The following TRIM67 variants were observed in gnomAD, a reference collection of about 807,000 sequenced individuals.
The protein encoded by TRIM67 is tripartite motif containing 67, also known as tripartite motif-containing protein 67.
A neutral mutation model predicts 71.0 loss-of-function variants in TRIM67; 39 were observed. The observed-to-expected ratio is 0.55, with a 90% confidence interval of 0.43 to 0.72. The LOEUF (loss-of-function observed/expected upper bound fraction) is 0.72, where lower values mean the gene tolerates loss of function less well. Ranked by LOEUF, TRIM67 falls within the 30% of genes least tolerant of loss-of-function variation. TRIM67 has a pLI of 0.00. For missense variants in TRIM67, 973 were observed against 1,079.2 expected, an observed-to-expected ratio of 0.90 and a Z score of 1.38; for synonymous variants, 481 against 473.9, an observed-to-expected ratio of 1.01 and a Z score of -0.19.
intron 1 of TRIM67, among the ~76,000 whole-genome samples, chr1:231,188,109 C>T (rs1683134599): frequency 6.6e-6 from 1 of 152,122 alleles, no homozygotes; most frequent in Non-Finnish European, 1.5e-5. Context: ...TCCACCCCTC[C>T]ATCACACTGG....
Position 231,219,735 on chromosome 1 carries a change from A to G in TRIM67, c.*4295A>G. On this transcript the variant is annotated 3_prime_UTR_variant, in exon 10 of 10. Transcript: ENST00000366653. The stretch of plus-strand genomic sequence containing the variant: ...AATCTAACAGATCTTATTGGCAAAT[A>G]TTCAAGATGGTGATGCTGGAAAATT... The G allele has an allele frequency of 7.5e-6, 9 of 1,195,656 alleles. No individual in the cohort carries two copies. Among genetic ancestry groups the G allele is most frequent in the Non-Finnish European group, 9.5e-6 (9 of 946,132 alleles). 74.1% of individuals were successfully genotyped at this position (1,195,656 alleles called of 1,614,324 possible).
intron 7 of TRIM67, among the ~76,000 whole-genome samples, chr1:231,207,207 C>G (rs1439619047): frequency 1.3e-5 from 2 of 152,206 alleles, no homozygotes; most frequent in African/African-American, 4.8e-5. Context: ...GGCTAAACTT[C>G]TCCCACTTCT....
At chr1:231,165,132 A>G (rs2102709038) in intron 1 of TRIM67, among the ~76,000 whole-genome samples, 1 of 152,304 alleles carries the variant, frequency 6.6e-6, no homozygotes, top group African/African-American at 2.4e-5. Context: ...ATTTTTAGTT[A>G]TCACACCTAG....
chr1:231,168,636 G>A (rs1381388795), intron 1 of TRIM67, among the ~76,000 whole-genome samples: 1 of 152,156 alleles, frequency 6.6e-6, no homozygotes, highest in African/African-American at 2.4e-5. Context: ...ATTATTGTTT[G>A]CTATTTTCAT....
At chr1:231,169,261 G>A (rs1325068811) in intron 1 of TRIM67, among the ~76,000 whole-genome samples, 1 of 151,720 alleles carries the variant, frequency 6.6e-6, no homozygotes, top group Non-Finnish European at 1.5e-5. Context: ...TGCCATGTTG[G>A]CCAGGCTGGT....
At chr1:231,197,954 C>T (rs1338632449) in intron 2 of TRIM67, among the ~76,000 whole-genome samples, 1 of 152,192 alleles carries the variant, frequency 6.6e-6, no homozygotes, top group Non-Finnish European at 1.5e-5. Flanking sequence ...GTGTCCTACC[C>T]TATAGCCTTG....
chr1:231,193,464 C>T (rs992415692), intron 1 of TRIM67, among the ~76,000 whole-genome samples: 8 of 129,436 alleles, frequency 6.2e-5, no homozygotes, highest in Non-Finnish European at 9.8e-5. Context: ...AATTAATTCC[C>T]TTAAAAAAAA....
rs1188177465 is a variant in TRIM67, at chr1:231,209,168, C to T, written c.2041C>T (p.Leu681=). 8 of 1,612,852 alleles carry T rather than the reference C, an allele frequency of 5.0e-6. No individual in the cohort carries two copies. The highest frequency in any genetic ancestry group is 6.8e-6 in the Non-Finnish European group (8 of 1,179,174). ...GGCCAGCGTGGTCAAGGACATGATG[C>T]TGGGCAAGGATGACAAGGCCTGGGC... ...ARASVVKDMM[L]GKDDKAWAMY... is the part of the protein sequence containing the mutation. Residue 681 remains leucine (L), a synonymous_variant, in exon 8 of 10, where the codon CTG becomes TTG. Coordinates refer to ENST00000366653, the MANE Select transcript of TRIM67 (RefSeq NM_001004342.5). The surrounding 1 kb of genome is among the most constrained non-coding windows in gnomAD (Gnocchi z 4.1).
intron 1 of TRIM67, among the ~76,000 whole-genome samples, chr1:231,193,503 G>GCGCTCTCTCTCTCTCT (rs1683287533): frequency 1.2e-5 from 1 of 81,946 alleles, no homozygotes; most frequent in African/African-American, 4.6e-5. Context: ...TCTCTCTCAA[G>GCGCTCTCTCTCTCTCT]CTCTCTCTCT....
At chr1:231,164,072 T>G in intron 1 of TRIM67, 59 bp downstream of exon 1, 3 of 1,401,026 alleles carry the variant, frequency 2.1e-6, no homozygotes, top group Non-Finnish European at 2.8e-6. Flanking sequence ...GGAGAAAGGC[T>G]TTTGGCCTCT....
At chr1:231,188,599 G>A (rs960860704) in intron 1 of TRIM67, among the ~76,000 whole-genome samples, 2 of 152,166 alleles carry the variant, frequency 1.3e-5, no homozygotes, top group Non-Finnish European at 2.9e-5. Flanking sequence ...AAAGAGCATC[G>A]ACTTTGGATT....
intron 1 of TRIM67, among the ~76,000 whole-genome samples, chr1:231,179,666 G>A (rs1281995825): frequency 6.6e-6 from 1 of 152,138 alleles, no homozygotes; most frequent in Non-Finnish European, 1.5e-5. Context: ...AATGGGTTTG[G>A]GTGCAACAAC....
rs1025891396 is a variant in TRIM67 at position 231,219,187 on chromosome 1, C to T, written c.*3747C>T. The T allele has an allele frequency of 1.0e-6, 1 of 985,450 alleles. No homozygotes were observed. The highest frequency in any genetic ancestry group is 1.7e-5 in the African/African-American group (1 of 57,216). The allele number at this position is 985,450 out of a possible 1,614,324, so 61.0% of individuals were successfully genotyped here. ...CCCGTGGGGTGGCGCCAGGGTTTCT[C>T]AACCTCTACTGACATTTTGCGATAG... On this transcript the variant is annotated 3_prime_UTR_variant, in exon 10 of 10. Transcript: ENST00000366653.
chr1:231,163,261 C>T lies in TRIM67; in HGVS notation c.292C>T (p.His98Tyr), dbSNP rs1256725519. The T allele has an allele frequency of 3.1e-5, 47 of 1,513,920 alleles. No individual in the cohort carries two copies. The highest frequency in any genetic ancestry group is 4.1e-5 in the Non-Finnish European group (46 of 1,131,018). The allele number at this position is 1,513,920 out of a possible 1,614,324, so 93.8% of individuals were successfully genotyped here. The change falls in exon 1 of 10, where the codon CAC (histidine) becomes TAC (tyrosine). Residue 98 changes from histidine (H) to tyrosine (Y), a missense_variant. Around this residue, in one of 2 missense-constraint regions of TRIM67, gnomAD observed 795 missense variants for 831.3 expected, o/e 0.96. Coordinates refer to ENST00000366653, the MANE Select transcript of TRIM67 (RefSeq NM_001004342.5). ...LGGGAGGGGD[H>Y]ADKLSLYSET... is the part of the protein sequence containing the mutation. Reference sequence around the variant, plus strand: ...CGGCGGTGCGGGAGGTGGCGGAGACCACGCGGACAAGCTCAGCTTGTACAG... The same window carrying T: ...CGGCGGTGCGGGAGGTGGCGGAGACTACGCGGACAAGCTCAGCTTGTACAG...
intron 1 of TRIM67, chr1:231,185,272 G>C (rs1683037403): frequency 6.7e-7 from 1 of 1,491,872 alleles, no homozygotes; most frequent in African/African-American, 1.4e-5. Flanking sequence ...CCCTGGACCA[G>C]CTCTCCCTCC....
chr1:231,201,963 A>G (rs1683537114), intron 5 of TRIM67, among the ~76,000 whole-genome samples: 1 of 12,692 alleles, frequency 7.9e-5, no homozygotes, highest in African/African-American at 2.9e-4. Flanking sequence ...GAGGAATCAG[A>G]GGAAGGGCCA....
At chr1:231,179,154 G>A (rs1027237702) in intron 1 of TRIM67, among the ~76,000 whole-genome samples, 34 of 152,190 alleles carry the variant, frequency 2.2e-4, no homozygotes, top group East Asian at 7.7e-4. Context: ...TCAAGGTGTC[G>A]GCAGGGCGGT....
chr1:231,216,772 T>G lies in TRIM67; in HGVS notation c.*1332T>G. Reference sequence around the variant, plus strand: ...GCTTCTCCCTTGAGATCCACATTGATTCATCCACACCTCTCAGAGACAGCT... The same window carrying G: ...GCTTCTCCCTTGAGATCCACATTGAGTCATCCACACCTCTCAGAGACAGCT... On this transcript the variant is annotated 3_prime_UTR_variant, in exon 10 of 10. Transcript: ENST00000366653. 5 of 985,496 alleles carry G rather than the reference T, an allele frequency of 5.1e-6. No individual in the cohort carries two copies. The highest frequency in any genetic ancestry group is 6.0e-6 in the Non-Finnish European group (5 of 829,956). The allele number at this position is 985,496 out of a possible 1,614,324, so 61.0% of individuals were successfully genotyped here.
At chr1:231,192,723 G>T (rs1194777404) in intron 1 of TRIM67, among the ~76,000 whole-genome samples, 1 of 152,254 alleles carries the variant, frequency 6.6e-6, no homozygotes, top group Non-Finnish European at 1.5e-5. Flanking sequence ...GCAGACCAGG[G>T]CACAGGGCCC....
Sources: allele counts gnomAD v4.1 joint callset (sites outside exome capture counted in the v4.1 genomes callset), GRCh38; gene constraint gnomAD v4.1.1; regional missense constraint gnomAD v4.1.1; non-coding constraint Gnocchi (gnomAD v3.1); transcripts MANE v1.5; gene names NCBI Gene and HGNC (gene_info 2026-07-23, HGNC 2026-07-21).